The following SLC6A17 variants were observed in gnomAD, a reference collection of about 807,000 sequenced individuals.
SLC6A17 encodes sodium-dependent neutral amino acid transporter SLC6A17.
In SLC6A17, 21 loss-of-function variants were observed where a neutral mutation model predicts 64.5. That is an observed-to-expected ratio of 0.33 (90% CI 0.23 to 0.47). The LOEUF (loss-of-function observed/expected upper bound fraction) is 0.47, where lower values mean the gene tolerates loss of function less well. SLC6A17 is among the 20% of genes least tolerant of loss of function. The probability of loss-of-function intolerance (pLI) is 1.00; values close to 1 mark genes in which losing one functional copy is unlikely to be tolerated. For synonymous variants in SLC6A17, 372 were observed against 399.5 expected, an observed-to-expected ratio of 0.93 and a Z score of 0.82; for missense variants, 682 against 963.2, an observed-to-expected ratio of 0.71 and a Z score of 3.86.
chr1:110,175,008 A>AGGCACAGAG, intron 5 of SLC6A17, 48 bp downstream of exon 5: 2 of 1,579,752 alleles, frequency 1.3e-6, no homozygotes, highest in Non-Finnish European at 1.7e-6. Context: ...AACAGCAGAA[A>AGGCACAGAG]GGCACAGAGG....
chr1:110,163,201 A>G (rs1453473663), intron 1 of SLC6A17, among the ~76,000 whole-genome samples: 2 of 151,908 alleles, frequency 1.3e-5, no homozygotes. Context: ...TTCCTTTGAC[A>G]CTGGGGTGTG....
Position 110,200,289 on chromosome 1 carries a change from C to T in SLC6A17, c.*1845C>T. 2.6e-6 allele frequency: 1 copy of T among 391,634 alleles called. No individual in the cohort carries two copies. 24.3% of individuals were successfully genotyped at this position (391,634 alleles called of 1,614,324 possible). A position where few individuals can be genotyped will look rare whatever the true frequency, so the allele number is the denominator to read the frequency against. On this transcript the variant is annotated 3_prime_UTR_variant, in exon 12 of 12. Coordinates refer to ENST00000331565, the MANE Select transcript of SLC6A17 (RefSeq NM_001010898.4). ...TTCTAGCCCCCTCTGCCCTACCTGT[C>T]TTTCCTGAGTGTTTGAGGGGAGAGA...
chr1:110,153,956 T>G (rs936313749), intron 1 of SLC6A17, among the ~76,000 whole-genome samples: 2 of 152,072 alleles, frequency 1.3e-5, no homozygotes, highest in African/African-American at 2.4e-5. Flanking sequence ...CTGCCAGAGG[T>G]CAGAAGCACA....
chr1:110,193,095 C>T lies in SLC6A17; in HGVS notation c.1299+397C>T, dbSNP rs372661440. 2.6e-4 allele frequency among the ~76,000 whole-genome samples: 40 copies of T among 152,322 alleles called. 1 individual carries two copies. The highest frequency in any genetic ancestry group is 2.1e-3 in the East Asian group (11 of 5,188). On this transcript the variant is annotated intron_variant, in intron 8 of 11. Coordinates refer to ENST00000331565, the MANE Select transcript of SLC6A17 (RefSeq NM_001010898.4). ...GCCCGTTGCTGTCTATCTCTTTTGA[C>T]GCTCAAGACAGCTCTATGAGTTGAG...
At chr1:110,191,597 A>T (rs1365643304) in intron 6 of SLC6A17, among the ~76,000 whole-genome samples, 1 of 152,200 alleles carries the variant, frequency 6.6e-6, no homozygotes, top group Non-Finnish European at 1.5e-5. Flanking sequence ...CACCTGTCAC[A>T]CTGTAGTCCA....
At position 110,201,785 on chromosome 1, in the gene SLC6A17, C is replaced by T. The variant is rs913313144; in HGVS notation, c.*3341C>T. 3 of 152,314 alleles carry T rather than the reference C, an allele frequency of 2.0e-5. No homozygotes were observed. The highest frequency in any genetic ancestry group is 7.2e-5 in the African/African-American group (3 of 41,390). The allele number at this position is 152,314 out of a possible 1,614,324, so 9.4% of individuals were successfully genotyped here. A position where few individuals can be genotyped will look rare whatever the true frequency, so the allele number is the denominator to read the frequency against. On this transcript the variant is annotated 3_prime_UTR_variant, in exon 12 of 12. Coordinates refer to ENST00000331565, the MANE Select transcript of SLC6A17 (RefSeq NM_001010898.4). ...CAGGCGGAGGGGCTGCTTTTCTGCC[C>T]TTCCTCACCCCCACGCCCCACCCCA...
chr1:110,173,892 C>CGAAA, intron 3 of SLC6A17, 81 bp from the exon 4 acceptor site: 3 of 1,552,162 alleles, frequency 1.9e-6, no homozygotes, highest in East Asian at 2.3e-5. Flanking sequence ...GCGCTGCCGA[C>CGAAA]GTGCTGGGCC....
chr1:110,182,865 G>A (rs185516933), intron 6 of SLC6A17, among the ~76,000 whole-genome samples: 362 of 152,180 alleles, frequency 2.4e-3, no homozygotes, highest in Middle Eastern at 6.8e-3. Context: ...ATGGGAGCGA[G>A]GAATTGGAGA....
rs772554900 is a variant in SLC6A17, at chr1:110,198,114, G to A, written c.1854G>A (p.Met618Ile). The part of the protein sequence containing the change: ...ERYLYFPNWA[M>I]ALLITLIVVA... ...ACCTGTATTTCCCCAACTGGGCCATGGCACTCCTGATCACCCTCATCGTCG... is the reference window on the plus strand; with the variant it reads ...ACCTGTATTTCCCCAACTGGGCCATAGCACTCCTGATCACCCTCATCGTCG... The change falls in exon 12 of 12, where the codon ATG becomes ATA. Residue 618 changes from methionine to isoleucine, a missense_variant. Transcript: ENST00000331565. 2 of 1,613,926 alleles carry A rather than the reference G, an allele frequency of 1.2e-6. No homozygotes were observed. The highest frequency in any genetic ancestry group is 1.7e-6 in the Non-Finnish European group (2 of 1,179,978).
intron 6 of SLC6A17, among the ~76,000 whole-genome samples, chr1:110,179,225 T>C (rs1391734162): frequency 6.6e-6 from 1 of 152,238 alleles, no homozygotes; most frequent in Admixed American, 6.5e-5. Context: ...CCATTGCTAA[T>C]AATGTTACAA....
chr1:110,170,448 C>T (rs1307703544), intron 2 of SLC6A17, among the ~76,000 whole-genome samples: 1 of 152,194 alleles, frequency 6.6e-6, no homozygotes, highest in Admixed American at 6.5e-5. Context: ...CGCGCCACTG[C>T]CCTCCAGCCT....
intron 1 of SLC6A17, among the ~76,000 whole-genome samples, chr1:110,155,217 TA>T (rs1655724780): frequency 6.6e-6 from 1 of 152,214 alleles, no homozygotes; most frequent in African/African-American, 2.4e-5. Context: ...CCTTGCTTCA[TA>T]GGCAGCCATT....
Position 110,192,506 on chromosome 1 carries a change from G to C in SLC6A17, c.1107G>C (p.Glu369Asp). Residue 369 changes from glutamate to aspartate, a missense_variant and splice_region_variant, in exon 8 of 12, where the codon GAG becomes GAC. Physicochemically the swap from Glu to Asp is conservative, Grantham distance 45. Transcript: ENST00000331565. This position sits in a 1 kb window ranked among gnomAD's most constrained non-coding sequence, Gnocchi z 4.3. Reference protein sequence around the residue: ...ANIMNEKCVVENAEKILGYLN... With the variant: ...ANIMNEKCVVDNAEKILGYLN... ...TGGTCCTCTCGGTTTTGTGCTGCAG[G>C]AATGCTGAGAAAATCCTAGGGTACC... 6.2e-7 allele frequency: 1 copy of C among 1,612,172 alleles called. No homozygotes were observed.
chr1:110,152,474 A>G (rs1202049278), intron 1 of SLC6A17, among the ~76,000 whole-genome samples: 1 of 152,160 alleles, frequency 6.6e-6, no homozygotes, highest in Non-Finnish European at 1.5e-5. Context: ...GTGAGCAGGA[A>G]TGGCCTGAGC....
intron 1 of SLC6A17, among the ~76,000 whole-genome samples, chr1:110,162,356 A>C (rs1440620518): frequency 6.6e-6 from 1 of 152,214 alleles, no homozygotes; most frequent in Non-Finnish European, 1.5e-5. Flanking sequence ...ACCCATAAGC[A>C]GGAGGGACTC....
rs192064498 is a variant in SLC6A17, at chr1:110,183,857, G to A, written c.864+7118G>A. ...AAGGTGATTGTCTGAGAGCAGGAAG[G>A]GAGGAGGAGGACTTGGAGGGCTAAG... is the stretch of plus-strand genomic sequence containing the variant. On this transcript the variant is annotated intron_variant, in intron 6 of 11. Coordinates refer to ENST00000331565, the MANE Select transcript of SLC6A17 (RefSeq NM_001010898.4). Among the ~76,000 whole-genome samples, 4 of 152,132 alleles carry A rather than the reference G, an allele frequency of 2.6e-5. No individual in the cohort carries two copies. The South Asian group carries it at 8.3e-4, about 31-fold the overall frequency.
At chr1:110,164,188 G>T (rs1051288616) in intron 1 of SLC6A17, among the ~76,000 whole-genome samples, 13 of 152,210 alleles carry the variant, frequency 8.5e-5, no homozygotes, top group African/African-American at 3.1e-4. Flanking sequence ...TCAGGTGAGT[G>T]AGTGAGTCAA....
At chr1:110,185,622 C>T (rs1656664690) in intron 6 of SLC6A17, among the ~76,000 whole-genome samples, 1 of 152,172 alleles carries the variant, frequency 6.6e-6, no homozygotes, top group South Asian at 2.1e-4. Flanking sequence ...GAGGAGGGGG[C>T]GAGCCGCCTT....
intron 2 of SLC6A17, among the ~76,000 whole-genome samples, chr1:110,171,055 C>T (rs576621214): frequency 1.6e-4 from 25 of 152,306 alleles, no homozygotes; most frequent in African/African-American, 2.2e-4. Flanking sequence ...TAGGAGATGG[C>T]TGATTGCCAG....
Sources: allele counts gnomAD v4.1 joint callset (sites outside exome capture counted in the v4.1 genomes callset), GRCh38; gene constraint gnomAD v4.1.1; non-coding constraint Gnocchi (gnomAD v3.1); transcripts MANE v1.5; gene names NCBI Gene and HGNC (gene_info 2026-07-23, HGNC 2026-07-21).